Variants in RARB observed in about 807,000 individuals in gnomAD.
RARB encodes the protein retinoic acid receptor beta, also known as HBV-activated protein.
In RARB, 17 loss-of-function variants were observed where a neutral mutation model predicts 51.9. The observed-to-expected ratio is 0.33, with a 90% CI of 0.22 to 0.49. The LOEUF (loss-of-function observed/expected upper bound fraction) is 0.49. Ranked by LOEUF, RARB falls within the 20% of genes least tolerant of loss-of-function variation. The pLI is 0.99. For missense variants in RARB, 369 were observed against 550.8 expected (o/e 0.67, Z 3.30); for synonymous variants, 215 against 195.4 (o/e 1.10, Z -0.84).
chr3:24,855,334 G>A lies in RARB; in HGVS notation c.-458-3340G>A, dbSNP rs143516886. ...CAAGTGTATGTCTGGTGGGTTCAGA[G>A]GGCAGTGAGTAGGCCACAGCAATAC... On this transcript the variant is annotated intron_variant, in intron 1 of 11. Transcript: ENST00000383772. Among the ~76,000 whole-genome samples, 23 of 152,286 alleles carry A rather than the reference G, an allele frequency of 1.5e-4. No homozygotes were observed. The East Asian group carries it at 1.5e-3, about 10-fold the overall frequency.
At chr3:25,464,474 G>A (rs1017299127) in intron 2 of RARB, among the ~76,000 whole-genome samples, 4 of 152,052 alleles carry the variant, frequency 2.6e-5, no homozygotes, top group African/African-American at 4.8e-5. Context: ...AGGTGAGTTC[G>A]GCAGCCAGTT....
chr3:25,003,960 G>C (rs371957594), intron 2 of RARB, among the ~76,000 whole-genome samples: 1 of 152,228 alleles, frequency 6.6e-6, no homozygotes, highest in Middle Eastern at 3.4e-3. Flanking sequence ...AGAGCATGCA[G>C]GTCATGCATA....
At chr3:25,560,565 G>T (rs779581215) in intron 3 of RARB, among the ~76,000 whole-genome samples, 1 of 152,182 alleles carries the variant, frequency 6.6e-6, no homozygotes, top group Non-Finnish European at 1.5e-5. Flanking sequence ...CAGACAGACA[G>T]TCCTAACATT....
chr3:25,287,527 A>G (rs189770877), intron 5 of RARB, among the ~76,000 whole-genome samples: 2 of 152,292 alleles, frequency 1.3e-5, no homozygotes, highest in African/African-American at 4.8e-5. Flanking sequence ...CATCCATCCT[A>G]TCCTGGTCCA....
intron 2 of RARB, among the ~76,000 whole-genome samples, chr3:25,030,540 A>C (rs1697849015): frequency 6.6e-6 from 1 of 152,242 alleles, no homozygotes; most frequent in Admixed American, 6.5e-5. Context: ...TTTAGTTAAA[A>C]GTTTATAATT....
At position 25,312,624 on chromosome 3, in the gene RARB, G is replaced by A. The variant is rs574618749; in HGVS notation, c.178+138049G>A. 3.3e-5 allele frequency among the ~76,000 whole-genome samples: 5 copies of A among 152,328 alleles called. No individual in the cohort carries two copies. The South Asian group carries it at 8.3e-4, about 25-fold the overall frequency. On this transcript the variant is annotated intron_variant, in intron 5 of 11. Transcript: ENST00000383772. The stretch of plus-strand genomic sequence containing the variant: ...GCAAATAGAAGCCTGAGATAATAAT[G>A]CAGCAGCAGATGAGCTTGTACAATT...
intron 5 of RARB, among the ~76,000 whole-genome samples, chr3:25,411,409 A>G (rs1707559014): frequency 6.6e-6 from 1 of 152,244 alleles, no homozygotes; most frequent in Non-Finnish European, 1.5e-5. Context: ...AGGTAATCCC[A>G]TCTTGGGAGA....
intron 1 of RARB, among the ~76,000 whole-genome samples, chr3:25,453,867 GC>G (rs1694747365): frequency 6.6e-6 from 1 of 152,086 alleles, no homozygotes; most frequent in Non-Finnish European, 1.5e-5. Flanking sequence ...TCCCTCTCTA[GC>G]CACCCCAAAC....
In RARB at chr3:25,050,333, G is replaced by A. The variant is rs545219615; in HGVS notation, c.-379-9792G>A. Among the ~76,000 whole-genome samples the A allele has an allele frequency of 3.9e-5, 6 of 152,144 alleles. No homozygotes were observed. The South Asian group carries it at 1.2e-3, about 32-fold the overall frequency. ...CACACTGCATCACCTTATGACCAAA[G>A]TCATCATGAAATGGTCAGTATTTTA... On this transcript the variant is annotated intron_variant, in intron 2 of 11. Coordinates refer to the RARB transcript ENST00000383772.
chr3:25,088,494 T>C (rs567921886), intron 3 of RARB, among the ~76,000 whole-genome samples: 6 of 152,252 alleles, frequency 3.9e-5, no homozygotes, highest in Non-Finnish European at 8.8e-5. Flanking sequence ...TCCTCCTCTT[T>C]TAATCTAGCT....
intron 2 of RARB, among the ~76,000 whole-genome samples, chr3:25,480,821 G>T (rs545331603): frequency 6.6e-6 from 1 of 152,244 alleles, no homozygotes; most frequent in Admixed American, 6.5e-5. Flanking sequence ...AAAGATAGTA[G>T]CTGTCTTCTA....
intron 4 of RARB, among the ~76,000 whole-genome samples, chr3:25,579,621 G>A (rs2125303711): frequency 6.6e-6 from 1 of 152,304 alleles, no homozygotes. Flanking sequence ...ATCAGTTAAT[G>A]AGCATTTGGG....
intron 5 of RARB, among the ~76,000 whole-genome samples, chr3:25,370,417 G>A (rs1706262979): frequency 6.6e-6 from 1 of 152,172 alleles, no homozygotes; most frequent in Non-Finnish European, 1.5e-5. Flanking sequence ...GTACCTTAAG[G>A]AAGAGTTGAG....
At chr3:25,062,298 T>C (rs1698566240) in intron 3 of RARB, among the ~76,000 whole-genome samples, 1 of 151,958 alleles carries the variant, frequency 6.6e-6, no homozygotes, top group African/African-American at 2.4e-5. Context: ...TTTTGCCTTT[T>C]ATTGACAAAA....
At chr3:25,255,802 TA>T (rs1361687713) in intron 5 of RARB, among the ~76,000 whole-genome samples, 1 of 152,144 alleles carries the variant, frequency 6.6e-6, no homozygotes, top group African/African-American at 2.4e-5. Flanking sequence ...ACAATAGTTT[TA>T]AAAAAATGAT....
intron 2 of RARB, among the ~76,000 whole-genome samples, chr3:24,939,920 T>A (rs1695624633): frequency 6.6e-6 from 1 of 152,206 alleles, no homozygotes; most frequent in East Asian, 1.9e-4. Flanking sequence ...TATACACAAA[T>A]AACGTGTTTT....
intron 5 of RARB, among the ~76,000 whole-genome samples, chr3:25,341,002 G>A (rs980095234): frequency 2.6e-5 from 4 of 152,138 alleles, no homozygotes; most frequent in Non-Finnish European, 5.9e-5. Flanking sequence ...GTGCTGAATT[G>A]TGAGCTAAAT....
intron 4 of RARB, among the ~76,000 whole-genome samples, chr3:25,163,382 G>A (rs1214530090): frequency 6.6e-6 from 1 of 151,610 alleles, no homozygotes; most frequent in Non-Finnish European, 1.5e-5. Flanking sequence ...GTGATTTCCT[G>A]TAGTTCCAGC....
chr3:25,194,526 T>C (rs1157365625), intron 5 of RARB, among the ~76,000 whole-genome samples: 1 of 150,652 alleles, frequency 6.6e-6, no homozygotes. Context: ...TGTTGATATA[T>C]ATATATATAA....
Sources: allele counts gnomAD v4.1 joint callset (sites outside exome capture counted in the v4.1 genomes callset), GRCh38; gene constraint gnomAD v4.1.1; transcripts MANE v1.5; gene names NCBI Gene and HGNC (gene_info 2026-07-23, HGNC 2026-07-21).